The following PRKCE variants were observed in gnomAD, a reference collection of about 807,000 sequenced individuals.
PRKCE encodes protein kinase C epsilon type.
In PRKCE, 16 loss-of-function variants were observed where a neutral mutation model predicts 85.4. The observed-to-expected ratio is 0.19, with a 90% CI of 0.13 to 0.28. PRKCE has a LOEUF of 0.28. Among genes scored for constraint, PRKCE ranks in the 10% least tolerant of loss-of-function variants. The pLI is 1.00. For missense variants in PRKCE, 573 were observed against 975.2 expected, an observed-to-expected ratio of 0.59 and a Z score of 5.49; for synonymous variants, 388 against 371.5, an observed-to-expected ratio of 1.04 and a Z score of -0.51.
intron 14 of PRKCE, among the ~76,000 whole-genome samples, chr2:46,180,034 A>C (rs1679813891): frequency 6.6e-6 from 1 of 152,184 alleles, no homozygotes; most frequent in Non-Finnish European, 1.5e-5. Context: ...GGCTGGGGAT[A>C]GAATGGTGAG....
At chr2:46,097,847 G>T (rs1670856268) in intron 11 of PRKCE, among the ~76,000 whole-genome samples, 1 of 152,212 alleles carries the variant, frequency 6.6e-6, no homozygotes, top group South Asian at 2.1e-4. Flanking sequence ...ATTCCATGCA[G>T]TGTTACCTGC....
chr2:46,118,036 A>T (rs936449641), intron 11 of PRKCE, among the ~76,000 whole-genome samples: 1 of 152,234 alleles, frequency 6.6e-6, no homozygotes, highest in African/African-American at 2.4e-5. Context: ...TGAAATCATG[A>T]TGCTGAATTA....
chr2:45,837,603 G>C (rs955038297), intron 1 of PRKCE, among the ~76,000 whole-genome samples: 1 of 152,212 alleles, frequency 6.6e-6, no homozygotes, highest in Non-Finnish European at 1.5e-5. Flanking sequence ...GGGGTCTCAT[G>C]CACAGACATA....
In PRKCE at chr2:46,184,643, G is replaced by A; in HGVS notation, c.2068-92G>A. The A allele has an allele frequency of 6.7e-7, 1 of 1,485,238 alleles. No homozygotes were observed. The highest frequency in any genetic ancestry group is 1.3e-5 in the South Asian group (1 of 76,918). The allele number at this position is 1,485,238 out of a possible 1,614,324, so 92.0% of individuals were successfully genotyped here. ...TTGGTAGCTAGAGGCCTGCTTTGGT[G>A]ACAGGCTGGTCAGTGCGGTGCCCAC... On this transcript the variant is annotated intron_variant, in intron 14 of 14. Coordinates refer to ENST00000306156, the MANE Select transcript of PRKCE (RefSeq NM_005400.3). The surrounding 1 kb of genome is among the most constrained non-coding windows in gnomAD (Gnocchi z 5.0).
intron 2 of PRKCE, among the ~76,000 whole-genome samples, chr2:45,961,963 G>A (rs1193485874): frequency 6.6e-6 from 1 of 152,098 alleles, no homozygotes; most frequent in Non-Finnish European, 1.5e-5. Flanking sequence ...GCAAAGTGCT[G>A]GGATTACAGG....
intron 1 of PRKCE, among the ~76,000 whole-genome samples, chr2:45,715,359 A>C (rs1420113961): frequency 6.6e-6 from 1 of 151,912 alleles, no homozygotes; most frequent in African/African-American, 2.4e-5. Flanking sequence ...ACCCCTTGAC[A>C]CCCCTGATAG....
intron 13 of PRKCE, among the ~76,000 whole-genome samples, chr2:46,158,421 G>C (rs1268125776): frequency 6.6e-6 from 1 of 152,166 alleles, no homozygotes; most frequent in Non-Finnish European, 1.5e-5. Flanking sequence ...TGTTAAAGTG[G>C]GGGTCACCTT....
intron 1 of PRKCE, among the ~76,000 whole-genome samples, chr2:45,734,819 C>T (rs1681911477): frequency 6.6e-6 from 1 of 152,228 alleles, no homozygotes; most frequent in Admixed American, 6.5e-5. Context: ...AGAAGAGAAG[C>T]CCCTTCCTGA....
At position 45,697,544 on chromosome 2, in the gene PRKCE, A is replaced by G. The variant is rs1247936699; in HGVS notation, c.348+45096A>G. On this transcript the variant is annotated intron_variant, in intron 1 of 14. Transcript: ENST00000306156. This position sits in a 1 kb window ranked among gnomAD's most constrained non-coding sequence, Gnocchi z 4.2. The stretch of plus-strand genomic sequence containing the variant: ...GGACAGAGAACAGGCTCTGCTCTTC[A>G]CTCAGGGTGGACTGGTTGGCATCTC... Among the ~76,000 whole-genome samples the G allele has an allele frequency of 6.6e-6, 1 of 151,976 alleles. No homozygotes were observed. Among genetic ancestry groups the G allele is most frequent in the East Asian group, 1.9e-4 (1 of 5,174 alleles).
Position 46,004,975 on chromosome 2 carries a change from A to G in PRKCE, c.1063+337A>G, listed in dbSNP as rs909786953. On this transcript the variant is annotated intron_variant, in intron 8 of 14. Transcript: ENST00000306156. The surrounding 1 kb of genome is among the most constrained non-coding windows in gnomAD (Gnocchi z 4.1). ...AGAAGGGTACAGCTCCCTCTCTTAA[A>G]GCTCTTGCCTGGCCCTAGACCTGTC... Among the ~76,000 whole-genome samples the G allele has an allele frequency of 9.2e-5, 14 of 152,020 alleles. No individual in the cohort carries two copies. Among genetic ancestry groups the G allele is most frequent in the African/African-American group, 3.1e-4 (13 of 41,358 alleles).
chr2:45,990,614 T>C (rs1703713439), intron 6 of PRKCE, among the ~76,000 whole-genome samples: 1 of 152,186 alleles, frequency 6.6e-6, no homozygotes, highest in South Asian at 2.1e-4. Context: ...CTGCTTTTTT[T>C]TCTAACATAG....
intron 5 of PRKCE, among the ~76,000 whole-genome samples, chr2:45,980,815 G>A (rs6705713): frequency 4.0e-3 from 607 of 152,210 alleles, no homozygotes; most frequent in Middle Eastern, 0.017. Context: ...CTTAGGAGGC[G>A]GCAACAACCA....
intron 2 of PRKCE, among the ~76,000 whole-genome samples, chr2:45,862,884 A>C (rs1693284073): frequency 6.6e-6 from 1 of 152,198 alleles, no homozygotes; most frequent in East Asian, 1.9e-4. Flanking sequence ...CTGCATTCAC[A>C]TTGAAAACTT....
intron 2 of PRKCE, among the ~76,000 whole-genome samples, chr2:45,857,842 T>A (rs1014620398): frequency 1.3e-5 from 2 of 152,248 alleles, no homozygotes; most frequent in African/African-American, 4.8e-5. Flanking sequence ...CTTCATGACC[T>A]AAAACAGTGC....
intron 1 of PRKCE, among the ~76,000 whole-genome samples, chr2:45,654,454 T>C (rs772132266): frequency 1.1e-4 from 17 of 152,206 alleles, no homozygotes; most frequent in Non-Finnish European, 1.9e-4. Context: ...GAGAAGCTAG[T>C]TGGGGACCGA....
At chr2:45,927,285 G>A (rs1330876111) in intron 2 of PRKCE, among the ~76,000 whole-genome samples, 2 of 152,210 alleles carry the variant, frequency 1.3e-5, no homozygotes, top group African/African-American at 4.8e-5. Flanking sequence ...TTGGATTTTT[G>A]TGGTATTGGA....
intron 2 of PRKCE, among the ~76,000 whole-genome samples, chr2:45,865,787 C>G (rs1041894521): frequency 1.4e-5 from 2 of 146,672 alleles, no homozygotes; most frequent in Admixed American, 1.4e-4. Flanking sequence ...CTGCAGAACT[C>G]TGAGAAAATA....
rs150956195 is a variant in PRKCE at position 46,072,325 on chromosome 2, GT to G, written c.1438-13880del. On this transcript the variant is annotated intron_variant, in intron 10 of 14. Coordinates refer to ENST00000306156, the MANE Select transcript of PRKCE (RefSeq NM_005400.3). ...TTAGTGTATTATTTCCAAGTTTCCA[GT>G]TTCCCCCGGATTAGCACATTTTAAT... 2.6e-3 allele frequency among the ~76,000 whole-genome samples: 397 copies of G among 152,056 alleles called. 1 individual carries two copies. The highest frequency in any genetic ancestry group is 9.4e-3 in the African/African-American group (389 of 41,546).
intron 1 of PRKCE, among the ~76,000 whole-genome samples, chr2:45,818,687 C>T (rs2105318811): frequency 6.6e-6 from 1 of 152,280 alleles, no homozygotes; most frequent in Admixed American, 6.5e-5. Flanking sequence ...GAGCCTCTGG[C>T]TTCGGGGGAG....
Sources: allele counts gnomAD v4.1 joint callset (sites outside exome capture counted in the v4.1 genomes callset), GRCh38; gene constraint gnomAD v4.1.1; non-coding constraint Gnocchi (gnomAD v3.1); transcripts MANE v1.5; gene names NCBI Gene and HGNC (gene_info 2026-07-23, HGNC 2026-07-21).